IMMP2L: variants seen among roughly 807,000 people sequenced by gnomAD.
IMMP2L encodes mitochondrial inner membrane protease subunit 2.
A neutral mutation model predicts 19.3 loss-of-function variants in IMMP2L; 18 were observed. That is an observed-to-expected ratio of 0.93 (90% CI 0.64 to 1.38). The LOEUF (loss-of-function observed/expected upper bound fraction) is 1.38, where lower values mean the gene tolerates loss of function less well. Ranked by LOEUF, IMMP2L falls within the 40% of genes most tolerant of loss-of-function variation. IMMP2L has a pLI of 0.00. For synonymous variants in IMMP2L, 76 were observed against 73.0 expected, an observed-to-expected ratio of 1.04 and a Z score of -0.21; for missense variants, 233 against 218.2, an observed-to-expected ratio of 1.07 and a Z score of -0.43.
At chr7:110,748,402 A>G (rs1797502031) in intron 5 of IMMP2L, among the ~76,000 whole-genome samples, 1 of 152,188 alleles carries the variant, frequency 6.6e-6, no homozygotes, top group African/African-American at 2.4e-5. Flanking sequence ...AAACTACTTT[A>G]AATTTCATAT....
At chr7:110,742,967 A>G (rs1048768654) in intron 5 of IMMP2L, among the ~76,000 whole-genome samples, 1 of 152,080 alleles carries the variant, frequency 6.6e-6, no homozygotes, top group South Asian at 2.1e-4. Flanking sequence ...AACCACCTGA[A>G]TTTTAATGCT....
intron 3 of IMMP2L, among the ~76,000 whole-genome samples, chr7:111,276,640 CG>C (rs113898678): frequency 0.013 from 1,401 of 105,846 alleles, 32 homozygotes; most frequent in South Asian, 0.046. Context: ...CATGTGGAAC[CG>C]AAAAAAAAAA....
rs1370489036 is a variant in IMMP2L at position 111,180,577 on chromosome 7, G to A, written c.240-217012C>T. ...AACACTGCAAGAATTACCAAAATGT[G>A]ACACAAAAACATGAAGTGGGCACAT... On this transcript the variant is annotated intron_variant, in intron 3 of 5. Coordinates refer to ENST00000405709, the MANE Select transcript of IMMP2L (RefSeq NM_032549.4). Among the ~76,000 whole-genome samples the A allele has an allele frequency of 1.3e-5, 2 of 152,000 alleles. 1 individual carries two copies. Among genetic ancestry groups the A allele is most frequent in the Non-Finnish European group, 2.9e-5 (2 of 67,998 alleles).
intron 2 of IMMP2L, among the ~76,000 whole-genome samples, chr7:111,501,879 T>C (rs1844302599): frequency 6.6e-6 from 1 of 152,006 alleles, no homozygotes. Flanking sequence ...TGCCAAAATG[T>C]AAAGACCATC....
chr7:111,294,544 C>G (rs886074026), intron 3 of IMMP2L, among the ~76,000 whole-genome samples: 1 of 151,740 alleles, frequency 6.6e-6, no homozygotes, highest in Non-Finnish European at 1.5e-5. Flanking sequence ...AATTTAAACA[C>G]GAATCTATCA....
rs568407779 is a variant in IMMP2L at position 110,822,835 on chromosome 7, G to A, written c.408+63758C>T. Among the ~76,000 whole-genome samples, 5 of 152,086 alleles carry A rather than the reference G, an allele frequency of 3.3e-5. No individual in the cohort carries two copies. In the East Asian group the frequency reaches 7.8e-4, roughly 24 times the overall value. On this transcript the variant is annotated intron_variant, in intron 5 of 5. Transcript: ENST00000405709. ...CAAAATGTTACTTCTTTAATTATTT[G>A]CTTACATGTCTTTCTGCTCCATTGG... is the stretch of plus-strand genomic sequence containing the variant.
intron 3 of IMMP2L, among the ~76,000 whole-genome samples, chr7:111,194,496 T>C (rs754348024): frequency 3.5e-4 from 54 of 152,122 alleles, no homozygotes; most frequent in Admixed American, 1.8e-3. Flanking sequence ...AATTATTTGC[T>C]TCAATGCTTC....
At chr7:111,224,539 G>A (rs1057298559) in intron 3 of IMMP2L, among the ~76,000 whole-genome samples, 1 of 152,080 alleles carries the variant, frequency 6.6e-6, no homozygotes, top group African/African-American at 2.4e-5. Flanking sequence ...ATTGCAATTT[G>A]TGTGCAAAGA....
intron 1 of IMMP2L, among the ~76,000 whole-genome samples, chr7:111,527,938 T>G (rs1847036938): frequency 6.6e-6 from 1 of 152,196 alleles, no homozygotes; most frequent in Non-Finnish European, 1.5e-5. Context: ...GTGGTTGCTA[T>G]TTTCAGAGGC....
At chr7:111,476,996 CTTA>C (rs914203153) in intron 3 of IMMP2L, among the ~76,000 whole-genome samples, 13 of 152,216 alleles carry the variant, frequency 8.5e-5, no homozygotes, top group African/African-American at 2.6e-4. Context: ...GATATATCAT[CTTA>C]TTATATTCAC....
intron 3 of IMMP2L, among the ~76,000 whole-genome samples, chr7:111,253,347 A>T (rs953886488): frequency 1.3e-5 from 2 of 152,128 alleles, no homozygotes; most frequent in African/African-American, 4.8e-5. Context: ...AGCTGCCAGG[A>T]CTCAAGGAGC....
chr7:111,091,941 T>A (rs757087577), intron 3 of IMMP2L, among the ~76,000 whole-genome samples: 17 of 152,244 alleles, frequency 1.1e-4, no homozygotes, highest in Admixed American at 2.0e-4. Context: ...CTTCACATTA[T>A]TTGTAGTGAA....
intron 3 of IMMP2L, among the ~76,000 whole-genome samples, chr7:111,229,219 A>C (rs986289625): frequency 3.3e-5 from 5 of 152,064 alleles, no homozygotes; most frequent in Admixed American, 3.3e-4. Context: ...TAATATTTTT[A>C]TAATACTTTT....
intron 3 of IMMP2L, among the ~76,000 whole-genome samples, chr7:111,203,569 C>CTTTT (rs199683002): frequency 7.8e-6 from 1 of 127,816 alleles, no homozygotes; most frequent in African/African-American, 3.0e-5. Context: ...TATACTGGTT[C>CTTTT]TTTTTTTTTT....
chr7:110,881,050 C>G (rs773856779), intron 5 of IMMP2L, among the ~76,000 whole-genome samples: 1 of 152,062 alleles, frequency 6.6e-6, no homozygotes, highest in Non-Finnish European at 1.5e-5. Context: ...TTTCCAAGCT[C>G]TCTTTTTAAA....
chr7:110,746,579 G>C (rs1051048531), intron 5 of IMMP2L, among the ~76,000 whole-genome samples: 7 of 152,152 alleles, frequency 4.6e-5, no homozygotes, highest in African/African-American at 1.4e-4. Context: ...AATCAAATTA[G>C]AACTCAGGAT....
intron 3 of IMMP2L, among the ~76,000 whole-genome samples, chr7:111,233,580 T>C (rs1331574701): frequency 6.6e-6 from 1 of 152,120 alleles, no homozygotes; most frequent in Non-Finnish European, 1.5e-5. Context: ...CCAATAATTA[T>C]TTTATTCAGG....
At chr7:110,919,650 C>T (rs1814029332) in intron 4 of IMMP2L, among the ~76,000 whole-genome samples, 1 of 151,534 alleles carries the variant, frequency 6.6e-6, no homozygotes, top group South Asian at 2.1e-4. Flanking sequence ...GAAATGTGCG[C>T]ATTTTCTTCA....
At chr7:110,681,322 T>G (rs1385181247) in intron 5 of IMMP2L, among the ~76,000 whole-genome samples, 1 of 152,072 alleles carries the variant, frequency 6.6e-6, no homozygotes, top group Admixed American at 6.6e-5. Context: ...AAATTGTAAT[T>G]TTGTTAAGGG....
Sources: gnomAD v4.1 joint callset for allele counts (sites outside exome capture counted in the v4.1 genomes callset) on GRCh38, gnomAD v4.1.1 for gene constraint, MANE v1.5 for transcripts, NCBI Gene and HGNC (gene_info 2026-07-23, HGNC 2026-07-21) for gene names.